Variants in BCL7B observed in about 807,000 individuals in gnomAD.
BCL7B encodes B-cell CLL/lymphoma 7 protein family member B.
A neutral mutation model predicts 26.5 loss-of-function variants in BCL7B; 11 were observed. The ratio of observed to expected loss-of-function variants is 0.42; its 90% CI spans 0.26 to 0.69. BCL7B has a LOEUF of 0.69. Among genes scored for constraint, BCL7B ranks in the 30% least tolerant of loss-of-function variants. The probability of loss-of-function intolerance (pLI) is 0.28; values close to 1 mark genes in which losing one functional copy is unlikely to be tolerated. For missense variants in BCL7B, 215 were observed against 264.4 expected, an observed-to-expected ratio of 0.81 and a Z score of 1.30; for synonymous variants, 111 against 107.9, an observed-to-expected ratio of 1.03 and a Z score of -0.18.
intron 3 of BCL7B, 133 bp from the exon 4 acceptor site, chr7:73,540,185 C>G: frequency 1.1e-6 from 1 of 906,930 alleles, no homozygotes; most frequent in Non-Finnish European, 1.6e-6. Context: ...TCATTGTGCC[C>G]GGCCTACACG....
chr7:73,539,643 T>C lies in BCL7B; in HGVS notation c.436+239A>G, dbSNP rs141304104. 1,490 of 476,702 alleles carry C rather than the reference T, an allele frequency of 3.1e-3. 6 individuals are homozygous for C. Among genetic ancestry groups the C allele is most frequent in the Non-Finnish European group, 4.4e-3 (1,180 of 266,306 alleles). 29.5% of individuals were successfully genotyped at this position (476,702 alleles called of 1,614,324 possible). ...CCTCACAGGATTTTTGAGAGAATTA[T>C]AGCAGGCGTCAAATACTCAAGTTCC... On this transcript the variant is annotated intron_variant, in intron 4 of 5. Coordinates refer to ENST00000223368, the MANE Select transcript of BCL7B (RefSeq NM_001707.4).
At position 73,539,958 on chromosome 7, in the gene BCL7B, G is replaced by A. The variant is rs782399769; in HGVS notation, c.360C>T (p.Ser120=). 9 of 1,614,062 alleles carry A rather than the reference G, an allele frequency of 5.6e-6. No individual in the cohort carries two copies. The highest frequency in any genetic ancestry group is 7.6e-6 in the Non-Finnish European group (9 of 1,180,002). ...AGTCGGAGGTGTGTGCTGGGCTCAGGGACTCACTCTGCTGGGGGCTGGGGC... is the reference window on the plus strand; with the variant it reads ...AGTCGGAGGTGTGTGCTGGGCTCAGAGACTCACTCTGCTGGGGGCTGGGGC... The part of the protein sequence containing the change: ...NSSPSPQQSE[S]LSPAHTSDFR... Residue 120 remains serine (S), a synonymous_variant, in exon 4 of 6, where the codon TCC becomes TCT. Coordinates refer to ENST00000223368, the MANE Select transcript of BCL7B (RefSeq NM_001707.4).
Position 73,557,563 on chromosome 7 carries a change from C to T in BCL7B, c.16G>A (p.Val6Ile). The change falls in exon 1 of 6, where the codon GTC becomes ATC. Residue 6 changes from valine (V) to isoleucine (I), a missense_variant. Coordinates refer to ENST00000223368, the MANE Select transcript of BCL7B (RefSeq NM_001707.4). ...GCCCGGCTGCGGGTCTCCGCCCGGA[C>T]CGACCGGCCCGACATGGCGGCGGCG... Reference protein sequence around the residue: MSGRSVRAETRSRAKD... With the variant: MSGRSIRAETRSRAKD... The T allele has an allele frequency of 1.5e-6, 2 of 1,361,562 alleles. No homozygotes were observed. Among genetic ancestry groups the T allele is most frequent in the Non-Finnish European group, 1.9e-6 (2 of 1,044,112 alleles). 84.3% of individuals were successfully genotyped at this position (1,361,562 alleles called of 1,614,324 possible). A position where few individuals can be genotyped will look rare whatever the true frequency, so the allele number is the denominator to read the frequency against.
Position 73,543,654 on chromosome 7 carries a change from G to C in BCL7B, c.169-10C>G. On this transcript the variant is annotated splice_polypyrimidine_tract_variant and intron_variant, in intron 2 of 5. Coordinates refer to ENST00000223368, the MANE Select transcript of BCL7B (RefSeq NM_001707.4). ...ATTTTGACTTTTCTTTCTAGAAAAG[G>C]AAAAAAAGAGGAATATGACAGAGCC... 6.3e-7 allele frequency: 1 copy of C among 1,596,020 alleles called. No individual in the cohort carries two copies. Among genetic ancestry groups the C allele is most frequent in the Non-Finnish European group, 8.6e-7 (1 of 1,168,096 alleles).
At chr7:73,543,025 CTT>C (rs1791826508) in intron 3 of BCL7B, 1 of 305,294 alleles carries the variant, frequency 3.3e-6, no homozygotes, top group Non-Finnish European at 6.8e-6. Context: ...AGACACGTAA[CTT>C]AACCTCTCTG....
intron 2 of BCL7B, among the ~76,000 whole-genome samples, chr7:73,547,046 C>A (rs1387591627): frequency 6.6e-6 from 1 of 151,828 alleles, no homozygotes; most frequent in Non-Finnish European, 1.5e-5. Context: ...GCGCTACTCG[C>A]GAGGCTGAGG....
At chr7:73,545,858 G>C (rs539215261) in intron 2 of BCL7B, among the ~76,000 whole-genome samples, 1 of 152,078 alleles carries the variant, frequency 6.6e-6, no homozygotes, top group Non-Finnish European at 1.5e-5. Flanking sequence ...CTGGCCGGGC[G>C]CGGTGGCTCA....
intron 1 of BCL7B, among the ~76,000 whole-genome samples, chr7:73,554,729 C>T (rs1466212611): frequency 6.7e-6 from 1 of 149,292 alleles, no homozygotes; most frequent in African/African-American, 2.5e-5. Flanking sequence ...ACCCCAGAGG[C>T]GGACACTGCA....
At chr7:73,545,252 A>G (rs1791910060) in intron 2 of BCL7B, among the ~76,000 whole-genome samples, 1 of 152,146 alleles carries the variant, frequency 6.6e-6, no homozygotes, top group African/African-American at 2.4e-5. Flanking sequence ...TTGCTCTGTC[A>G]CCCAGGCTGG....
At chr7:73,552,268 G>T in intron 1 of BCL7B, 26 bp from the exon 2 acceptor site, 1 of 1,571,478 alleles carries the variant, frequency 6.4e-7, no homozygotes, top group Non-Finnish European at 8.7e-7. Flanking sequence ...TTCTTAGAAC[G>T]GATAAAACAA....
At chr7:73,543,238 G>A (rs928351450) in intron 3 of BCL7B, among the ~76,000 whole-genome samples, 3 of 151,282 alleles carry the variant, frequency 2.0e-5, no homozygotes, top group Admixed American at 6.6e-5. Context: ...GTGCAGTGGC[G>A]CAATCTCGGC....
chr7:73,544,257 C>T (rs1198330625), intron 2 of BCL7B, among the ~76,000 whole-genome samples: 1 of 151,978 alleles, frequency 6.6e-6, no homozygotes, highest in Non-Finnish European at 1.5e-5. Flanking sequence ...CCTATCTCTA[C>T]TAAAAATACA....
intron 3 of BCL7B, among the ~76,000 whole-genome samples, chr7:73,542,673 A>G (rs1187078777): frequency 3.9e-5 from 6 of 152,230 alleles, no homozygotes; most frequent in Non-Finnish European, 1.5e-5. Context: ...TGTAAAAGGC[A>G]GTATCATGAC....
In BCL7B at chr7:73,537,921, A is replaced by G; in HGVS notation, c.516+13T>C. ...AAAAACAAAAAACTGGAAAACTCAAAGTGATTGCTTACCTGTGTCTCTAGT... is the reference window on the plus strand; with the variant it reads ...AAAAACAAAAAACTGGAAAACTCAAGGTGATTGCTTACCTGTGTCTCTAGT... On this transcript the variant is annotated intron_variant, in intron 5 of 5. Coordinates refer to ENST00000223368, the MANE Select transcript of BCL7B (RefSeq NM_001707.4). 1 of 1,566,584 alleles carries G rather than the reference A, an allele frequency of 6.4e-7. No homozygotes were observed.
intron 1 of BCL7B, chr7:73,557,141 G>A: frequency 9.9e-7 from 1 of 1,005,416 alleles, no homozygotes; most frequent in Non-Finnish European, 1.2e-6. Context: ...AACGCAGGCG[G>A]GGCCACTGCC....
chr7:73,555,357 G>A (rs1792322675), intron 1 of BCL7B, among the ~76,000 whole-genome samples: 1 of 144,794 alleles, frequency 6.9e-6, no homozygotes, highest in Non-Finnish European at 1.5e-5. Context: ...AGCCAAGATC[G>A]CACCATTGCA....
At position 73,538,026 on chromosome 7, in the gene BCL7B, T is replaced by C. The variant is rs1791608133; in HGVS notation, c.437-13A>G. On this transcript the variant is annotated splice_polypyrimidine_tract_variant and intron_variant, in intron 4 of 5. Transcript: ENST00000223368. ...GGCAGGGAGGGCTCTGAAAAGGCAG[T>C]AGGGTCGGCCTGAGGGCAGGGCTCC... 1 of 1,582,156 alleles carries C rather than the reference T, an allele frequency of 6.3e-7. No individual in the cohort carries two copies. The highest frequency in any genetic ancestry group is 8.6e-7 in the Non-Finnish European group (1 of 1,163,186).
chr7:73,539,856 C>T (rs1448056365), intron 4 of BCL7B, 26 bp downstream of exon 4: 3 of 1,605,682 alleles, frequency 1.9e-6, no homozygotes, highest in East Asian at 2.2e-5. Context: ...TTCTAGGAAA[C>T]TCATCCTCGG....
intron 2 of BCL7B, among the ~76,000 whole-genome samples, chr7:73,547,557 A>T (rs1554583594): frequency 6.6e-6 from 1 of 152,216 alleles, no homozygotes; most frequent in Non-Finnish European, 1.5e-5. Flanking sequence ...AGCCAAGTAG[A>T]TCACCTACAA....
Sources: allele counts gnomAD v4.1 joint callset (sites outside exome capture counted in the v4.1 genomes callset), GRCh38; gene constraint gnomAD v4.1.1; transcripts MANE v1.5; gene names NCBI Gene and HGNC (gene_info 2026-07-23, HGNC 2026-07-21).